Variants in MACIR observed in about 807,000 individuals in gnomAD.
MACIR encodes the protein UNC119-binding protein C5orf30.
A neutral mutation model predicts 14.3 loss-of-function variants in MACIR; 4 were observed. The observed-to-expected ratio is 0.28, with a 90% CI of 0.14 to 0.64. MACIR has a LOEUF of 0.64. MACIR is among the 30% of genes least tolerant of loss of function. The pLI, the probability that MACIR is intolerant of heterozygous loss-of-function variation, is 0.83. For missense variants in MACIR, 228 were observed against 257.6 expected, an observed-to-expected ratio of 0.89 and a Z score of 0.79; for synonymous variants, 101 against 102.4, an observed-to-expected ratio of 0.99 and a Z score of 0.08.
intron 2 of MACIR, among the ~76,000 whole-genome samples, chr5:103,274,947 T>C (rs1472752394): frequency 6.6e-6 from 1 of 152,206 alleles, no homozygotes; most frequent in Non-Finnish European, 1.5e-5. Flanking sequence ...GATCTATCTG[T>C]AGCTTTCAGG....
chr5:103,266,866 G>GATAAAA (rs1554236769), intron 2 of MACIR, among the ~76,000 whole-genome samples: 12 of 152,106 alleles, frequency 7.9e-5, no homozygotes, highest in Non-Finnish European at 1.5e-4. Flanking sequence ...ATCTCATTAA[G>GATAAAA]TAGATAAAAC....
chr5:103,271,534 G>C (rs1241795659), intron 2 of MACIR, among the ~76,000 whole-genome samples: 1 of 151,944 alleles, frequency 6.6e-6, no homozygotes, highest in Non-Finnish European at 1.5e-5. Flanking sequence ...AAGAATTATT[G>C]TTACCTTTGT....
At chr5:103,268,699 C>T (rs1022610640) in intron 2 of MACIR, among the ~76,000 whole-genome samples, 8 of 152,204 alleles carry the variant, frequency 5.3e-5, no homozygotes, top group African/African-American at 1.9e-4. Flanking sequence ...AAACAGACAT[C>T]AGCAGTTTTT....
intron 2 of MACIR, among the ~76,000 whole-genome samples, chr5:103,270,296 C>T (rs1805078963): frequency 6.6e-6 from 1 of 152,100 alleles, no homozygotes; most frequent in African/African-American, 2.4e-5. Context: ...AGCATTTTTA[C>T]TTCTGGAATT....
At chr5:103,272,064 C>A (rs1805150960) in intron 2 of MACIR, among the ~76,000 whole-genome samples, 1 of 152,068 alleles carries the variant, frequency 6.6e-6, no homozygotes, top group African/African-American at 2.4e-5. Flanking sequence ...TGTGAGAGTG[C>A]TTTGTAATTG....
chr5:103,262,823 T>C (rs1243091614), intron 1 of MACIR, among the ~76,000 whole-genome samples: 3 of 152,242 alleles, frequency 2.0e-5, no homozygotes, highest in African/African-American at 7.2e-5. Context: ...TTTGTTTTTA[T>C]GCAGCATTTA....
chr5:103,270,091 T>C (rs1805073076), intron 2 of MACIR, among the ~76,000 whole-genome samples: 1 of 152,212 alleles, frequency 6.6e-6, no homozygotes, highest in African/African-American at 2.4e-5. Flanking sequence ...CTTTCTTCTT[T>C]TGATAATTCC....
rs183917795 is a variant in MACIR, at chr5:103,277,340, C to G, written c.*800C>G. 119 of 167,112 alleles carry G rather than the reference C, an allele frequency of 7.1e-4. No individual in the cohort carries two copies. Among genetic ancestry groups the G allele is most frequent in the African/African-American group, 2.7e-3 (112 of 41,556 alleles). 10.4% of individuals were successfully genotyped at this position (167,112 alleles called of 1,614,324 possible). On this transcript the variant is annotated 3_prime_UTR_variant, in exon 3 of 3. Transcript: ENST00000319933. ...AAAAACTCTCCTTAGTGCTTATTTT[C>G]TAACTTAAAATTCACCTGGAACTTT...
chr5:103,258,679 C>CGGGCGGAGGAGG (rs1163535344), upstream of MACIR: 4 of 151,536 alleles, frequency 2.6e-5, no homozygotes, highest in Non-Finnish European at 4.4e-5. Flanking sequence ...GGCGGGAAGG[C>CGGGCGGAGGAGG]GGGCGGAGGA....
rs1554237595 is a variant in MACIR, at chr5:103,275,894, T to C, written c.-23-3T>C. ...CTTCTAATCTAAGTCTGTTTACTTTTAGGATTGTGCAGACTGGTGCTTAAA... is the reference window on the plus strand; with the variant it reads ...CTTCTAATCTAAGTCTGTTTACTTTCAGGATTGTGCAGACTGGTGCTTAAA... On this transcript the variant is annotated splice_polypyrimidine_tract_variant and splice_region_variant and intron_variant, in intron 2 of 2. Coordinates refer to ENST00000319933, the MANE Select transcript of MACIR (RefSeq NM_033211.4). The C allele has an allele frequency of 6.3e-7, 1 of 1,592,102 alleles. No homozygotes were observed. The highest frequency in any genetic ancestry group is 1.1e-5 in the South Asian group (1 of 88,252).
intron 2 of MACIR, among the ~76,000 whole-genome samples, chr5:103,274,724 A>G (rs1427195204): frequency 6.6e-6 from 1 of 152,068 alleles, no homozygotes; most frequent in African/African-American, 2.4e-5. Flanking sequence ...AAATACTTCA[A>G]TAGGAAGTGG....
rs1554237704 is a variant in MACIR, at chr5:103,276,280, G to C, written c.361G>C (p.Ala121Pro). 4 of 1,612,664 alleles carry C rather than the reference G, an allele frequency of 2.5e-6. No homozygotes were observed. Among genetic ancestry groups the C allele is most frequent in the Admixed American group, 3.3e-5 (2 of 59,766 alleles). The part of the protein sequence containing the change: ...SRYYQPYEIP[A>P]VNGRRRRRMP... ...GTACTACCAGCCATACGAGATTCCA[G>C]CTGTCAATGGCAGGAGGCGAAGGCG... Residue 121 changes from alanine to proline, a missense_variant, in exon 3 of 3, where the codon GCT becomes CCT. Coordinates refer to ENST00000319933, the MANE Select transcript of MACIR (RefSeq NM_033211.4).
At chr5:103,258,651 C>T (rs1554235854), upstream of MACIR, 1 of 153,234 alleles carries the variant, frequency 6.5e-6, no homozygotes, top group South Asian at 1.8e-4. Flanking sequence ...GGCTGCGCCT[C>T]TGCAGCCAGA....
In MACIR at chr5:103,265,926, A is replaced by C. The variant is rs1804909849; in HGVS notation, c.-95A>C. The C allele has an allele frequency of 1.3e-5, 2 of 152,150 alleles. No individual in the cohort carries two copies. Among genetic ancestry groups the C allele is most frequent in the African/African-American group, 4.8e-5 (2 of 41,452 alleles). The allele number at this position is 152,150 out of a possible 1,614,324, so 9.4% of individuals were successfully genotyped here. On this transcript the variant is annotated 5_prime_UTR_variant, in exon 2 of 3. Transcript: ENST00000319933. ...TGTTTAGTACCTGGAGTAGAACAGA[A>C]AAATTATTATGTCTGTGTTCCCTTG...
chr5:103,264,730 G>A (rs888037949), intron 1 of MACIR, among the ~76,000 whole-genome samples: 2 of 152,082 alleles, frequency 1.3e-5, no homozygotes, highest in African/African-American at 4.8e-5. Flanking sequence ...AGTTCTTGGT[G>A]CATTGGCTCC....
At chr5:103,261,698 CT>C (rs1375863606) in intron 1 of MACIR, among the ~76,000 whole-genome samples, 1,236 of 113,220 alleles carry the variant, frequency 0.011, 9 homozygotes, top group African/African-American at 0.02. Context: ...TTCTTTCTTT[CT>C]TTCTTCCTTT....
intron 1 of MACIR, among the ~76,000 whole-genome samples, chr5:103,260,913 TG>T (rs1804659445): frequency 6.6e-6 from 1 of 152,236 alleles, no homozygotes; most frequent in African/African-American, 2.4e-5. Flanking sequence ...AATTCCACAG[TG>T]TACACCTGTT....
At position 103,275,604 on chromosome 5, in the gene MACIR, T is replaced by C. The variant is rs1049743060; in HGVS notation, c.-23-293T>C. Among the ~76,000 whole-genome samples the C allele has an allele frequency of 1.6e-4, 25 of 152,222 alleles. No homozygotes were observed. The South Asian group carries it at 1.7e-3, about 10-fold the overall frequency. ...ATAAACTTTATGTGATTGAATAGAG[T>C]GCGGAATTTAGAGAAGTATTGTTGT... On this transcript the variant is annotated intron_variant, in intron 2 of 2. Transcript: ENST00000319933.
intron 2 of MACIR, among the ~76,000 whole-genome samples, chr5:103,270,560 A>G (rs1192415413): frequency 1.3e-5 from 2 of 152,222 alleles, no homozygotes; most frequent in Non-Finnish European, 2.9e-5. Context: ...ATCGGTTTCA[A>G]AACAATAACA....
Sources: allele counts gnomAD v4.1 joint callset (sites outside exome capture counted in the v4.1 genomes callset), GRCh38; gene constraint gnomAD v4.1.1; transcripts MANE v1.5; gene names NCBI Gene and HGNC (gene_info 2026-07-23, HGNC 2026-07-21).